Variants in ZMYM4 observed in about 807,000 individuals in gnomAD.
ZMYM4 encodes zinc finger MYM-type protein 4.
ZMYM4 carries 31 observed loss-of-function variants against 183.2 expected under a neutral mutation model. The ratio of observed to expected loss-of-function variants is 0.17; its 90% confidence interval spans 0.13 to 0.23. The LOEUF is 0.23. Among genes scored for constraint, ZMYM4 ranks in the 10% least tolerant of loss-of-function variants. ZMYM4 has a pLI of 1.00. For synonymous variants in ZMYM4, 592 were observed against 631.2 expected, an observed-to-expected ratio of 0.94 and a Z score of 0.93; for missense variants, 1,273 against 1,840.3, an observed-to-expected ratio of 0.69 and a Z score of 5.64.
At chr1:35,305,692 C>T (rs1641505347) in intron 1 of ZMYM4, among the ~76,000 whole-genome samples, 1 of 152,066 alleles carries the variant, frequency 6.6e-6, no homozygotes, top group African/African-American at 2.4e-5. Flanking sequence ...TACAGGTACA[C>T]ACCACTGTGC....
chr1:35,380,652 C>T (rs1463958981), intron 7 of ZMYM4, among the ~76,000 whole-genome samples: 1 of 152,110 alleles, frequency 6.6e-6, no homozygotes, highest in Non-Finnish European at 1.5e-5. Flanking sequence ...ATATGGTTTC[C>T]ACTTGAACTG....
At chr1:35,344,053 CT>C (rs1475950805) in intron 2 of ZMYM4, among the ~76,000 whole-genome samples, 1 of 150,262 alleles carries the variant, frequency 6.7e-6, no homozygotes, top group Non-Finnish European at 1.5e-5. Flanking sequence ...TGGAATATTT[CT>C]TTTTTCCTTT....
chr1:35,405,339 T>C lies in ZMYM4; in HGVS notation c.3701-34T>C, dbSNP rs1213328275. 4.4e-6 allele frequency: 7 copies of C among 1,583,122 alleles called. No homozygotes were observed. The African/African-American group carries it at 5.5e-5, about 12-fold the overall frequency. The stretch of plus-strand genomic sequence containing the variant: ...AATTTTTTCCGCACTTTTATTTTAT[T>C]TAAACTTTTCTTTTATGTTTCTCTC... On this transcript the variant is annotated intron_variant, in intron 24 of 29. Transcript: ENST00000314607.
rs1171562124 is a variant in ZMYM4 at position 35,373,378 on chromosome 1, T to TC, written c.1181+2751_1181+2752insC. Among the ~76,000 whole-genome samples the TC allele has an allele frequency of 3.1e-4, 43 of 139,106 alleles. No individual in the cohort carries two copies. The East Asian group carries it at 0.014, about 45-fold the overall frequency. 91.3% of individuals were successfully genotyped at this position (139,106 alleles called of 152,430 possible). A position where few individuals can be genotyped will look rare whatever the true frequency, so the allele number is the denominator to read the frequency against. ...AATTAATGATCTTAACTTTTTTTTT[T>TC]TCTTTTTTTTTTTTGAGACCGAGTC... On this transcript the variant is annotated intron_variant, in intron 7 of 29. Coordinates refer to ENST00000314607, the MANE Select transcript of ZMYM4 (RefSeq NM_005095.3).
intron 5 of ZMYM4, among the ~76,000 whole-genome samples, chr1:35,363,241 A>C (rs1643987766): frequency 6.6e-6 from 1 of 152,084 alleles, no homozygotes; most frequent in African/African-American, 2.4e-5. Context: ...TGGCCTTCCA[A>C]AGTGTTGGGT....
At chr1:35,352,867 C>G (rs1300535576) in intron 2 of ZMYM4, among the ~76,000 whole-genome samples, 1 of 152,170 alleles carries the variant, frequency 6.6e-6, no homozygotes, top group Non-Finnish European at 1.5e-5. Context: ...TACCTAGTTT[C>G]ATGAATTTTA....
chr1:35,408,824 C>T (rs1160578731), intron 26 of ZMYM4, among the ~76,000 whole-genome samples: 5 of 152,146 alleles, frequency 3.3e-5, no homozygotes, highest in African/African-American at 1.2e-4. Context: ...TTAAAGTTTG[C>T]AATTCAGTAG....
intron 2 of ZMYM4, among the ~76,000 whole-genome samples, chr1:35,357,846 G>A (rs768030882): frequency 6.6e-6 from 1 of 152,128 alleles, no homozygotes; most frequent in African/African-American, 2.4e-5. Context: ...GTGTTATGGA[G>A]GTGAACAAAA....
chr1:35,409,567 A>T (rs1308187753), intron 26 of ZMYM4, among the ~76,000 whole-genome samples: 1 of 151,844 alleles, frequency 6.6e-6, no homozygotes, highest in East Asian at 1.9e-4. Context: ...CCATGTGTAT[A>T]CCTTCTTTGG....
Position 35,396,598 on chromosome 1 carries a change from A to T in ZMYM4, c.2958A>T (p.Val986=). The T allele has an allele frequency of 6.2e-7, 1 of 1,613,902 alleles. No individual in the cohort carries two copies. Among genetic ancestry groups the T allele is most frequent in the East Asian group, 2.2e-5 (1 of 44,856 alleles). The change falls in exon 19 of 30, where the codon GTA becomes GTT. Residue 986 remains valine, a synonymous_variant. Coordinates refer to ENST00000314607, the MANE Select transcript of ZMYM4 (RefSeq NM_005095.3). ...AGATTATTGTGGTGCCAGTTCCCGTACCAGTGTTTGTTCCCATACCTCTTC... is the reference window on the plus strand; with the variant it reads ...AGATTATTGTGGTGCCAGTTCCCGTTCCAGTGTTTGTTCCCATACCTCTTC... The part of the protein sequence containing the change: ...QPQIIVVPVP[V]PVFVPIPLHL...
intron 9 of ZMYM4, among the ~76,000 whole-genome samples, chr1:35,382,714 G>T (rs756622471): frequency 6.6e-6 from 1 of 151,992 alleles, no homozygotes; most frequent in Non-Finnish European, 1.5e-5. Context: ...CAATCCCTGT[G>T]CTGGGATTAC....
At chr1:35,333,058 T>A (rs1422364862) in intron 2 of ZMYM4, among the ~76,000 whole-genome samples, 1 of 152,110 alleles carries the variant, frequency 6.6e-6, no homozygotes. Context: ...GAAAAGCACA[T>A]GGATGGAAGA....
chr1:35,318,973 G>A (rs1157457900), intron 1 of ZMYM4, among the ~76,000 whole-genome samples: 2 of 152,038 alleles, frequency 1.3e-5, no homozygotes, highest in East Asian at 1.9e-4. Context: ...CACAACCTCC[G>A]CCTCCCGGGT....
At chr1:35,279,826 T>C (rs759253724) in intron 1 of ZMYM4, among the ~76,000 whole-genome samples, 4 of 152,216 alleles carry the variant, frequency 2.6e-5, no homozygotes, top group Non-Finnish European at 5.9e-5. Flanking sequence ...TTTATTTACT[T>C]CTGAGACAGC....
At chr1:35,332,934 G>A (rs1480459622) in intron 2 of ZMYM4, among the ~76,000 whole-genome samples, 1 of 152,056 alleles carries the variant, frequency 6.6e-6, no homozygotes, top group Non-Finnish European at 1.5e-5. Flanking sequence ...TTCTGACCTA[G>A]CTTCAAAAGT....
chr1:35,374,582 T>C (rs1327322430), intron 7 of ZMYM4, among the ~76,000 whole-genome samples: 2 of 151,796 alleles, frequency 1.3e-5, no homozygotes, highest in African/African-American at 4.8e-5. Context: ...GGAGGATTGC[T>C]TGAGCTCAGG....
At chr1:35,325,502 T>C in intron 2 of ZMYM4, 97 bp downstream of exon 2, 2 of 1,141,830 alleles carry the variant, frequency 1.8e-6, no homozygotes, top group East Asian at 2.6e-5. Flanking sequence ...TAGTTAGGGC[T>C]GATTTATGTG....
rs142688340 is a variant in ZMYM4 at position 35,398,949 on chromosome 1, C to G, written c.3339C>G (p.Ala1113=). 1.1e-4 allele frequency: 170 copies of G among 1,613,992 alleles called. No homozygotes were observed. The highest frequency in any genetic ancestry group is 1.6e-4 in the Middle Eastern group (1 of 6,082). Residue 1113 remains alanine (A), a synonymous_variant, in exon 22 of 30, where the codon GCC becomes GCG. Coordinates refer to ENST00000314607, the MANE Select transcript of ZMYM4 (RefSeq NM_005095.3). ...GGGAGGAAGAGCTGAATCACTATGC[C>G]TTAAAGTCAAATGCTGTGCAAGAGG... The part of the protein sequence containing the change: ...HSWEEELNHY[A]LKSNAVQEAD...
chr1:35,297,172 C>CT (rs998332141), intron 1 of ZMYM4, among the ~76,000 whole-genome samples: 3 of 151,068 alleles, frequency 2.0e-5, no homozygotes, highest in African/African-American at 4.9e-5. Context: ...TTCTTTCTTT[C>CT]TTTTTTTTTG....
Sources: allele counts gnomAD v4.1 joint callset (sites outside exome capture counted in the v4.1 genomes callset), GRCh38; gene constraint gnomAD v4.1.1; transcripts MANE v1.5; gene names NCBI Gene and HGNC (gene_info 2026-07-23, HGNC 2026-07-21).